The following GRM7 variants were observed in gnomAD, a reference collection of about 807,000 sequenced individuals.
GRM7 encodes the protein glutamate metabotropic receptor 7, also known as metabotropic glutamate receptor 7.
Under a neutral mutation model 84.5 loss-of-function variants are expected in GRM7, and 35 were observed. That is an observed-to-expected ratio of 0.41 (90% confidence interval 0.32 to 0.55). GRM7 has a LOEUF of 0.55. Among genes scored for constraint, GRM7 ranks in the 20% least tolerant of loss-of-function variants. GRM7 has a pLI of 0.19. For synonymous variants in GRM7, 487 were observed against 455.1 expected, an observed-to-expected ratio of 1.07 and a Z score of -0.89; for missense variants, 1,003 against 1,194.6, an observed-to-expected ratio of 0.84 and a Z score of 2.36.
chr3:7,662,009 T>C (rs1046289321), intron 8 of GRM7, among the ~76,000 whole-genome samples: 1 of 151,920 alleles, frequency 6.6e-6, no homozygotes, highest in Non-Finnish European at 1.5e-5. Context: ...CAAATGTCTG[T>C]AACAGATGAA....
intron 2 of GRM7, among the ~76,000 whole-genome samples, chr3:7,229,997 G>C (rs890910346): frequency 6.7e-6 from 1 of 150,058 alleles, no homozygotes; most frequent in Non-Finnish European, 1.5e-5. Context: ...CCACCACCAC[G>C]CCTGGCTAAT....
intron 8 of GRM7, among the ~76,000 whole-genome samples, chr3:7,659,677 C>T (rs2125121923): frequency 6.6e-6 from 1 of 152,274 alleles, no homozygotes; most frequent in South Asian, 2.1e-4. Flanking sequence ...CAGATTGGTT[C>T]ATAGCTTATA....
intron 7 of GRM7, 71 bp from the exon 8 acceptor site, chr3:7,578,351 T>G: frequency 3.0e-6 from 3 of 993,330 alleles, no homozygotes; most frequent in Non-Finnish European, 4.6e-6. Flanking sequence ...GAGTACTGTT[T>G]GCTGCTGGTG....
intron 4 of GRM7, among the ~76,000 whole-genome samples, chr3:7,318,272 G>A (rs550199217): frequency 1.3e-5 from 2 of 152,124 alleles, no homozygotes; most frequent in African/African-American, 4.8e-5. Flanking sequence ...GGAACTTGGT[G>A]CATCACTGGG....
At chr3:7,686,316 C>A in intron 9 of GRM7, 1 of 822,788 alleles carries the variant, frequency 1.2e-6, no homozygotes, top group South Asian at 1.5e-5. Context: ...ATTGTGTGCA[C>A]ATTTATTTTA....
At chr3:6,878,385 G>A (rs1695390966) in intron 1 of GRM7, among the ~76,000 whole-genome samples, 3 of 150,038 alleles carry the variant, frequency 2.0e-5, no homozygotes, top group Admixed American at 6.7e-5. Context: ...TTGCGTGTGT[G>A]TGTGTGTGTG....
At chr3:7,167,004 CATT>C (rs1250240247) in intron 2 of GRM7, among the ~76,000 whole-genome samples, 1 of 152,122 alleles carries the variant, frequency 6.6e-6, no homozygotes, top group Non-Finnish European at 1.5e-5. Context: ...AATGGAAACT[CATT>C]ATATCTCAAA....
intron 1 of GRM7, among the ~76,000 whole-genome samples, chr3:7,064,479 T>TATATATATATATATATATAC: frequency 3.0e-5 from 3 of 99,382 alleles, no homozygotes; most frequent in Admixed American, 1.1e-4. Context: ...TATATATATA[T>TATATATATATATATATATAC]ACACACATAT....
intron 5 of GRM7, among the ~76,000 whole-genome samples, chr3:7,437,136 A>T (rs1697090927): frequency 6.6e-6 from 1 of 152,168 alleles, no homozygotes; most frequent in Admixed American, 6.5e-5. Flanking sequence ...GCAGAACCAA[A>T]ATTTGAGACT....
chr3:7,086,251 C>G lies in GRM7; in HGVS notation c.520-60201C>G, dbSNP rs925591445. ...TTGAATTTATCTAGCATGACCATGT[C>G]AAATAACCCTTTATCAGAATAAATT... On this transcript the variant is annotated intron_variant, in intron 1 of 9. Transcript: ENST00000357716. Among the ~76,000 whole-genome samples, 90 of 152,002 alleles carry G rather than the reference C, an allele frequency of 5.9e-4. 1 individual carries two copies. The highest frequency in any genetic ancestry group is 2.1e-3 in the African/African-American group (89 of 41,484).
chr3:7,251,115 T>C lies in GRM7; in HGVS notation c.737-47569T>C, dbSNP rs375675500. Among the ~76,000 whole-genome samples the C allele has an allele frequency of 1.2e-4, 18 of 152,264 alleles. No homozygotes were observed. The South Asian group carries it at 3.7e-3, about 32-fold the overall frequency. On this transcript the variant is annotated intron_variant, in intron 2 of 9. Transcript: ENST00000357716. ...TAAGGCTTGGTAAGGCATTGGACTA[T>C]TATTCTGTAGGCAATTGGGAGACAT...
In GRM7 at chr3:7,306,509, C is replaced by G. The variant is rs1297876594; in HGVS notation, c.890C>G (p.Ala297Gly). 3 of 1,613,556 alleles carry G rather than the reference C, an allele frequency of 1.9e-6. No individual in the cohort carries two copies. The Admixed American group carries it at 5.0e-5, about 27-fold the overall frequency. The change falls in exon 4 of 10, where the codon GCA becomes GGA. Residue 297 changes from alanine to glycine, a missense_variant. By Grantham distance (60) the Ala-to-Gly change is moderately conservative. Transcript: ENST00000357716. ...ATTTCTTTCCACAGGCAGATCCTTG[C>G]AGCAGCCAAAAGAGCTGACCAAGTT... Reference protein sequence around the residue: ...ANDEDIKQILAAAKRADQVGH... With the variant: ...ANDEDIKQILGAAKRADQVGH...
chr3:7,108,784 G>T (rs1692742266), intron 1 of GRM7, among the ~76,000 whole-genome samples: 1 of 152,038 alleles, frequency 6.6e-6, no homozygotes, highest in South Asian at 2.1e-4. Flanking sequence ...CCACTTATGT[G>T]AAAGAAACAA....
intron 1 of GRM7, among the ~76,000 whole-genome samples, chr3:6,972,579 T>C (rs1202853865): frequency 6.6e-6 from 1 of 152,150 alleles, no homozygotes; most frequent in African/African-American, 2.4e-5. Flanking sequence ...TAGATACTAA[T>C]GTCAAAAGGC....
intron 5 of GRM7, among the ~76,000 whole-genome samples, chr3:7,445,472 G>A (rs1206701872): frequency 3.9e-5 from 6 of 152,114 alleles, no homozygotes; most frequent in South Asian, 2.1e-4. Context: ...CAGAAAGTTC[G>A]CAATTAACAC....
rs546853158 is a variant in GRM7, at chr3:6,883,239, A to G, written c.519+21332A>G. 7.2e-5 allele frequency among the ~76,000 whole-genome samples: 11 copies of G among 152,206 alleles called. No individual in the cohort carries two copies. The East Asian group carries it at 2.1e-3, about 29-fold the overall frequency. On this transcript the variant is annotated intron_variant, in intron 1 of 9. Transcript: ENST00000357716. ...GTGACTTTATGACCTTTATGCATTT[A>G]TTCACATTGATTTACAATAACTTTT...
chr3:6,927,661 A>G (rs908715213), intron 1 of GRM7, among the ~76,000 whole-genome samples: 1 of 152,186 alleles, frequency 6.6e-6, no homozygotes, highest in African/African-American at 2.4e-5. Flanking sequence ...GTTCATATGC[A>G]TATGTAAATC....
intron 4 of GRM7, among the ~76,000 whole-genome samples, chr3:7,313,185 C>A (rs950628713): frequency 6.6e-6 from 1 of 151,892 alleles, no homozygotes; most frequent in Non-Finnish European, 1.5e-5. Context: ...CTCCTCAGCC[C>A]CCCAAAGTGC....
intron 7 of GRM7, among the ~76,000 whole-genome samples, chr3:7,464,221 G>A (rs1326179182): frequency 6.7e-6 from 1 of 149,386 alleles, no homozygotes; most frequent in Non-Finnish European, 1.5e-5. Context: ...ATGTGTGATA[G>A]TGAAGATGAA....
Sources: gnomAD v4.1 joint callset for allele counts (sites outside exome capture counted in the v4.1 genomes callset) on GRCh38, gnomAD v4.1.1 for gene constraint, MANE v1.5 for transcripts, NCBI Gene and HGNC (gene_info 2026-07-23, HGNC 2026-07-21) for gene names.